The following DDX60 variants were observed in gnomAD, a reference collection of about 807,000 sequenced individuals.
DDX60 encodes DExD/H-box helicase 60.
In DDX60, 165 loss-of-function variants were observed where a neutral mutation model predicts 212.8. The ratio of observed to expected loss-of-function variants is 0.78; its 90% confidence interval spans 0.68 to 0.88. The LOEUF is 0.88. Among genes scored for constraint, DDX60 ranks in the 40% least tolerant of loss-of-function variants. The pLI, the probability that DDX60 is intolerant of heterozygous loss-of-function variation, is 0.00. For missense variants in DDX60, 1,905 were observed against 2,003.9 expected (o/e 0.95, Z 0.94); for synonymous variants, 703 against 685.3 (o/e 1.03, Z -0.40).
Position 168,284,864 on chromosome 4 carries a change from T to A in DDX60, c.1517A>T (p.Lys506Ile), listed in dbSNP as rs766241228. 10 of 1,597,854 alleles carry A rather than the reference T, an allele frequency of 6.3e-6. No individual in the cohort carries two copies. In the African/African-American group the frequency reaches 1.3e-4, roughly 21 times the overall value. Residue 506 changes from lysine to isoleucine, a missense_variant, in exon 12 of 38, where the codon AAA becomes ATA. Physicochemically the swap from Lys to Ile is moderately radical, Grantham distance 102 (BLOSUM62 -3). Transcript: ENST00000393743. ...CCTGTCATAATCATCACTCAGGGGT[T>A]TATGAGAATGCCAGTGCACAAGTTC... is the stretch of plus-strand genomic sequence containing the variant. Reference protein sequence around the residue: ...FDELVHWHSHKPLSDDYDRSR... With the variant: ...FDELVHWHSHIPLSDDYDRSR...
At chr4:168,272,889 T>C (rs1735164928) in intron 18 of DDX60, among the ~76,000 whole-genome samples, 1 of 152,222 alleles carries the variant, frequency 6.6e-6, no homozygotes, top group Non-Finnish European at 1.5e-5. Context: ...ACACCAGGTA[T>C]ACGATCCATA....
At position 168,274,207 on chromosome 4, in the gene DDX60, G is replaced by C. The variant is rs1477139443; in HGVS notation, c.2305-124C>G. ...CAAAGGATCTGTAGGTACATCTGAA[G>C]GTCTCATGTCATTCTCTCAGAAGAG... On this transcript the variant is annotated intron_variant, in intron 16 of 37. Coordinates refer to ENST00000393743, the MANE Select transcript of DDX60 (RefSeq NM_017631.6). 1.1e-5 allele frequency: 13 copies of C among 1,160,956 alleles called. 1 individual carries two copies. In the Admixed American group the frequency reaches 1.4e-4, roughly 12 times the overall value. The allele number at this position is 1,160,956 out of a possible 1,614,324, so 71.9% of individuals were successfully genotyped here. A position where few individuals can be genotyped will look rare whatever the true frequency, so the allele number is the denominator to read the frequency against.
At chr4:168,299,392 ATGAG>A (rs1351257024) in intron 6 of DDX60, among the ~76,000 whole-genome samples, 1 of 151,986 alleles carries the variant, frequency 6.6e-6, no homozygotes, top group Non-Finnish European at 1.5e-5. Context: ...AATTTTAAAA[ATGAG>A]TAAGTTCCCA....
At chr4:168,309,341 G>C (rs554998354) in intron 3 of DDX60, among the ~76,000 whole-genome samples, 1 of 152,162 alleles carries the variant, frequency 6.6e-6, no homozygotes, top group African/African-American at 2.4e-5. Context: ...AGAAAAAGTT[G>C]AATTGCCTGA....
Position 168,312,404 on chromosome 4 carries a change from G to A in DDX60, c.-106-1039C>T, listed in dbSNP as rs566968380. Among the ~76,000 whole-genome samples the A allele has an allele frequency of 6.6e-5, 10 of 152,216 alleles. No homozygotes were observed. In the South Asian group the frequency reaches 1.7e-3, roughly 25 times the overall value. On this transcript the variant is annotated intron_variant, in intron 1 of 37. Coordinates refer to ENST00000393743, the MANE Select transcript of DDX60 (RefSeq NM_017631.6). ...AGAGGTAAGTCATCTGAGTATTAACGGTAAATGAGGCCATTGGTGTAGATG... is the reference window on the plus strand; with the variant it reads ...AGAGGTAAGTCATCTGAGTATTAACAGTAAATGAGGCCATTGGTGTAGATG...
intron 29 of DDX60, among the ~76,000 whole-genome samples, chr4:168,247,470 T>C (rs1578995537): frequency 6.6e-6 from 1 of 152,074 alleles, no homozygotes; most frequent in Non-Finnish European, 1.5e-5. Context: ...GAACAAAAAG[T>C]GTTTAGAGAT....
chr4:168,271,174 G>C (rs934475683), intron 19 of DDX60, among the ~76,000 whole-genome samples: 19 of 152,232 alleles, frequency 1.2e-4, no homozygotes, highest in African/African-American at 4.6e-4. Flanking sequence ...CACCGCACCT[G>C]ACCAATAAAT....
upstream of DDX60, among the ~76,000 whole-genome samples, chr4:168,319,090 G>C (rs750485181): frequency 2.0e-5 from 3 of 152,126 alleles, no homozygotes; most frequent in Non-Finnish European, 4.4e-5. Flanking sequence ...AAGTTTTGAG[G>C]TAATAGATGG....
At chr4:168,317,646 C>A (rs889434846) in intron 1 of DDX60, among the ~76,000 whole-genome samples, 7 of 152,084 alleles carry the variant, frequency 4.6e-5, no homozygotes, top group African/African-American at 1.7e-4. Flanking sequence ...GTGGACAGGA[C>A]CTGTGAATTT....
At chr4:168,268,431 G>A (rs896823326) in intron 20 of DDX60, among the ~76,000 whole-genome samples, 15 of 152,050 alleles carry the variant, frequency 9.9e-5, no homozygotes, top group African/African-American at 3.6e-4. Context: ...CAAGCCCAAT[G>A]ACAAGATAAA....
In DDX60 at chr4:168,234,232, A is replaced by G. The variant is rs1162858791; in HGVS notation, c.4533+2020T>C. On this transcript the variant is annotated intron_variant, in intron 33 of 37. Coordinates refer to ENST00000393743, the MANE Select transcript of DDX60 (RefSeq NM_017631.6). ...TGAAGTTGACTACGGTTTTAAAACT[A>G]TGGTGTGTTATCTTTAATCAGCTTT... Among the ~76,000 whole-genome samples, 9 of 152,054 alleles carry G rather than the reference A, an allele frequency of 5.9e-5. 1 individual carries two copies. The highest frequency in any genetic ancestry group is 5.8e-4 in the East Asian group (3 of 5,170).
At chr4:168,290,934 C>T (rs891500648) in intron 8 of DDX60, among the ~76,000 whole-genome samples, 10 of 152,110 alleles carry the variant, frequency 6.6e-5, no homozygotes, top group African/African-American at 2.2e-4. Flanking sequence ...AACATTTTCA[C>T]TGTATGTATA....
intron 20 of DDX60, among the ~76,000 whole-genome samples, chr4:168,268,588 A>G (rs376251412): frequency 1.4e-4 from 22 of 152,120 alleles, no homozygotes; most frequent in East Asian, 7.7e-4. Context: ...AAACAAAAAT[A>G]TATCTTTTCT....
At position 168,252,491 on chromosome 4, in the gene DDX60, C is replaced by T; in HGVS notation, c.3705+18G>A. Reference sequence around the variant, plus strand: ...CAAATGAAATAGTTTGGAGAACGATCAGGTTGTAAGTGCTGACCTCAGTGT... The same window carrying T: ...CAAATGAAATAGTTTGGAGAACGATTAGGTTGTAAGTGCTGACCTCAGTGT... On this transcript the variant is annotated intron_variant, in intron 27 of 37. Coordinates refer to ENST00000393743, the MANE Select transcript of DDX60 (RefSeq NM_017631.6). 6.2e-7 allele frequency: 1 copy of T among 1,611,614 alleles called. No individual in the cohort carries two copies. The highest frequency in any genetic ancestry group is 1.1e-5 in the South Asian group (1 of 90,154).
At chr4:168,312,163 A>G (rs1326478597) in intron 1 of DDX60, among the ~76,000 whole-genome samples, 1 of 152,168 alleles carries the variant, frequency 6.6e-6, no homozygotes, top group Non-Finnish European at 1.5e-5. Flanking sequence ...GTTGTCAAGG[A>G]TGACACAAGT....
At chr4:168,281,899 T>C (rs1004337302) in intron 13 of DDX60, among the ~76,000 whole-genome samples, 2 of 152,314 alleles carry the variant, frequency 1.3e-5, no homozygotes, top group South Asian at 2.1e-4. Context: ...TCTGTTTCAA[T>C]AGTACAAGGG....
At chr4:168,217,070 G>A (rs749123911) in intron 37 of DDX60, 38 bp from the exon 38 acceptor site, 1 of 1,331,904 alleles carries the variant, frequency 7.5e-7, no homozygotes. Context: ...CCACTTTAGT[G>A]AGATTGAATA....
At chr4:168,298,096 G>C (rs1362127682) in intron 6 of DDX60, among the ~76,000 whole-genome samples, 2 of 151,650 alleles carry the variant, frequency 1.3e-5, no homozygotes, top group Non-Finnish European at 1.5e-5. Context: ...TTATAAAAAT[G>C]GTACAGCATG....
At chr4:168,240,184 A>G in intron 30 of DDX60, among the ~76,000 whole-genome samples, 1 of 152,180 alleles carries the variant, frequency 6.6e-6, no homozygotes, top group African/African-American at 2.4e-5. Flanking sequence ...ACAACAGACA[A>G]GCGGAGAGCC....
Sources: allele counts gnomAD v4.1 joint callset (sites outside exome capture counted in the v4.1 genomes callset), GRCh38; gene constraint gnomAD v4.1.1; transcripts MANE v1.5; gene names NCBI Gene and HGNC (gene_info 2026-07-23, HGNC 2026-07-21).